MS4A4E: variants seen among roughly 807,000 people sequenced by gnomAD.
The protein encoded by MS4A4E is putative membrane-spanning 4-domains subfamily A member 4E.
A neutral mutation model predicts 13.3 loss-of-function variants in MS4A4E; 23 were observed. The ratio of observed to expected loss-of-function variants is 1.73; its 90% CI spans 1.25 to 2.45. The LOEUF (loss-of-function observed/expected upper bound fraction) is 2.45, where lower values mean the gene tolerates loss of function less well. Among genes scored for constraint, MS4A4E ranks in the 30% most tolerant of loss-of-function variants. The pLI is 0.00. For missense variants in MS4A4E, 144 were observed against 131.2 expected, an observed-to-expected ratio of 1.10 and a Z score of -0.48; for synonymous variants, 36 against 45.6, an observed-to-expected ratio of 0.79 and a Z score of 0.85.
chr11:60,214,611 G>T lies in MS4A4E; in HGVS notation c.182C>A (p.Ser61Tyr). 1.3e-6 allele frequency: 2 copies of T among 1,522,176 alleles called. No individual in the cohort carries two copies. Among genetic ancestry groups the T allele is most frequent in the South Asian group, 1.2e-5 (1 of 80,898 alleles). 94.3% of individuals were successfully genotyped at this position (1,522,176 alleles called of 1,614,324 possible). The change falls in exon 4 of 9, where the codon TCC (serine) becomes TAC (tyrosine). Residue 61 changes from serine (S) to tyrosine (Y), a missense_variant. Physicochemically the swap from Ser to Tyr is moderately radical, Grantham distance 144. Around this residue, in one of 3 missense-constraint regions of MS4A4E, gnomAD observed 119 missense variants for 88.7 expected, o/e 1.34. Transcript: ENST00000651255. ...TCTAATTCCTGCTGCAACTGATAAG[G>T]ATACTGAAATAATAAAATAAGAATG... ...CGHKFSTHSV[S>Y]LSVAAGIRTT...
intron 4 of MS4A4E, among the ~76,000 whole-genome samples, chr11:60,214,214 C>T (rs931027147): frequency 6.6e-6 from 1 of 152,058 alleles, no homozygotes; most frequent in Non-Finnish European, 1.5e-5. Context: ...CCAGAATCTA[C>T]CTTTTAATCA....
intron 3 of MS4A4E, among the ~76,000 whole-genome samples, chr11:60,220,584 G>A (rs578128673): frequency 6.6e-6 from 1 of 152,264 alleles, no homozygotes; most frequent in African/African-American, 2.4e-5. Context: ...TTATACTGAT[G>A]GGATCCAGTG....
At chr11:60,225,087 G>A (rs757811258) in intron 3 of MS4A4E, 96 of 1,545,126 alleles carry the variant, frequency 6.2e-5, no homozygotes, top group African/African-American at 1.1e-4. Flanking sequence ...ATCAGAATCC[G>A]CACAACCTAG....
intron 8 of MS4A4E, among the ~76,000 whole-genome samples, chr11:60,203,507 G>T (rs377249519): frequency 3.9e-5 from 6 of 152,282 alleles, no homozygotes; most frequent in African/African-American, 1.4e-4. Context: ...CCAGCACTTT[G>T]GGAGGCCAAA....
At position 60,214,815 on chromosome 11, in the gene MS4A4E, GGA is replaced by G. The variant is rs2084170227; in HGVS notation, c.179-203_179-202del. Among the ~76,000 whole-genome samples, 3 of 152,036 alleles carry G rather than the reference GGA, an allele frequency of 2.0e-5. No homozygotes were observed. In the South Asian group the frequency reaches 6.2e-4, roughly 32 times the overall value. Reference sequence around the variant, plus strand: ...AAAAATTCTGCCAGATGAGTCCACCGGATAATTTATCAAGCCTTTCAAATAAT... The same window carrying G: ...AAAAATTCTGCCAGATGAGTCCACCGTAATTTATCAAGCCTTTCAAATAAT... On this transcript the variant is annotated intron_variant, in intron 3 of 8. Coordinates refer to ENST00000651255, the MANE Select transcript of MS4A4E (RefSeq NM_001393391.1).
intron 5 of MS4A4E, among the ~76,000 whole-genome samples, chr11:60,210,718 G>T (rs2084109879): frequency 6.6e-6 from 1 of 151,670 alleles, no homozygotes; most frequent in Non-Finnish European, 1.5e-5. Flanking sequence ...ACCCTGTGAT[G>T]GGGCATACAC....
At chr11:60,203,774 A>G (rs998003341) in intron 8 of MS4A4E, among the ~76,000 whole-genome samples, 1 of 152,160 alleles carries the variant, frequency 6.6e-6, no homozygotes, top group Non-Finnish European at 1.5e-5. Flanking sequence ...AAATAAAAAG[A>G]ATAACTATTT....
chr11:60,200,910 G>A lies in MS4A4E; in HGVS notation c.*633C>T, dbSNP rs557290399. Among the ~76,000 whole-genome samples, 2,576 of 147,358 alleles carry A rather than the reference G, an allele frequency of 0.017. 70 individuals are homozygous for A. Among genetic ancestry groups the A allele is most frequent in the African/African-American group, 0.061 (2,433 of 39,600 alleles). Reference sequence around the variant, plus strand: ...CACCTCCCGGACGGGGCGGCTGGCCGGGCGGGGGGCTGACCCCTCCACCTC... The same window carrying A: ...CACCTCCCGGACGGGGCGGCTGGCCAGGCGGGGGGCTGACCCCTCCACCTC... On this transcript the variant is annotated 3_prime_UTR_variant, in exon 9 of 9. Transcript: ENST00000651255.
At position 60,201,028 on chromosome 11, in the gene MS4A4E, C is replaced by G. The variant is rs1384318526; in HGVS notation, c.*515G>C. Among the ~76,000 whole-genome samples, 15 of 147,506 alleles carry G rather than the reference C, an allele frequency of 1.0e-4. No individual in the cohort carries two copies. The highest frequency in any genetic ancestry group is 3.8e-4 in the African/African-American group (15 of 39,042). ...TGGCCGGGCAGAGGGCTGACCCCCCCACCTCCCTCCCAGACGTGGTGGCTG... is the reference window on the plus strand; with the variant it reads ...TGGCCGGGCAGAGGGCTGACCCCCCGACCTCCCTCCCAGACGTGGTGGCTG... On this transcript the variant is annotated 3_prime_UTR_variant, in exon 9 of 9. Coordinates refer to ENST00000651255, the MANE Select transcript of MS4A4E (RefSeq NM_001393391.1).
Position 60,200,708 on chromosome 11 carries a change from C to G in MS4A4E, c.*835G>C, listed in dbSNP as rs2134903087. Reference sequence around the variant, plus strand: ...TCTACTTCTTTCCACACAGACAAGGCAACCATCCGATTTCTCAATCTTTTC... The same window carrying G: ...TCTACTTCTTTCCACACAGACAAGGGAACCATCCGATTTCTCAATCTTTTC... On this transcript the variant is annotated 3_prime_UTR_variant, in exon 9 of 9. Coordinates refer to ENST00000651255, the MANE Select transcript of MS4A4E (RefSeq NM_001393391.1). Among the ~76,000 whole-genome samples, 1 of 152,346 alleles carries G rather than the reference C, an allele frequency of 6.6e-6. No homozygotes were observed. Among genetic ancestry groups the G allele is most frequent in the South Asian group, 2.1e-4 (1 of 4,830 alleles).
At chr11:60,226,636 G>C (rs907503083) in intron 3 of MS4A4E, among the ~76,000 whole-genome samples, 3 of 152,232 alleles carry the variant, frequency 2.0e-5, no homozygotes, top group Non-Finnish European at 4.4e-5. Context: ...AGGATAACTT[G>C]TTTAGGTTGA....
chr11:60,206,777 A>G (rs1451617905), intron 6 of MS4A4E: 2 of 232,100 alleles, frequency 8.6e-6, no homozygotes, highest in Non-Finnish European at 2.0e-5. Flanking sequence ...AGTCACCCAA[A>G]TCACCTCAGA....
intron 3 of MS4A4E, among the ~76,000 whole-genome samples, chr11:60,220,564 A>G (rs2084257582): frequency 6.6e-6 from 1 of 152,202 alleles, no homozygotes; most frequent in Non-Finnish European, 1.5e-5. Flanking sequence ...GGTCCATTAT[A>G]TTGATGCCAT....
intron 3 of MS4A4E, among the ~76,000 whole-genome samples, chr11:60,226,402 A>G (rs1337198431): frequency 7.2e-5 from 11 of 152,120 alleles, no homozygotes; most frequent in Admixed American, 7.2e-4. Flanking sequence ...ACATGTGCAA[A>G]CTAAATCTAA....
intron 6 of MS4A4E, 36 bp downstream of exon 6, chr11:60,208,557 T>C (rs1176305061): frequency 5.1e-6 from 4 of 778,644 alleles, no homozygotes; most frequent in South Asian, 1.9e-5. Context: ...AATACAAAAG[T>C]AATACAGATA....
At chr11:60,219,376 A>G (rs1342134358) in intron 3 of MS4A4E, among the ~76,000 whole-genome samples, 3 of 152,218 alleles carry the variant, frequency 2.0e-5, no homozygotes, top group Non-Finnish European at 4.4e-5. Context: ...CATAATAGAC[A>G]GAAGAGGCAA....
At chr11:60,213,230 A>C in intron 4 of MS4A4E, 98 bp from the exon 5 acceptor site, 1 of 1,465,012 alleles carries the variant, frequency 6.8e-7, no homozygotes, top group Non-Finnish European at 9.2e-7. Context: ...TCTTATTTCA[A>C]TAGTCTTCTA....
Position 60,208,582 on chromosome 11 carries a change from C to T in MS4A4E, c.483+11G>A. On this transcript the variant is annotated intron_variant, in intron 6 of 8. Transcript: ENST00000651255. ...TAATACAGATACCTTCAAATGAAGG[C>T]CAATACTGACCTCACTGGGGCTACA... The T allele has an allele frequency of 2.0e-6, 2 of 1,017,630 alleles. No individual in the cohort carries two copies. Among genetic ancestry groups the T allele is most frequent in the South Asian group, 1.5e-5 (1 of 66,806 alleles). The allele number at this position is 1,017,630 out of a possible 1,614,324, so 63.0% of individuals were successfully genotyped here.
In MS4A4E at chr11:60,237,202, G is replaced by T. The variant is rs1035997380; in HGVS notation, c.-17+5756C>A. ...TATAAGTGAGAACATGCAGTATTTG[G>T]TTTTCTGTTCCTGTGTTAGTTTACT... On this transcript the variant is annotated intron_variant, in intron 1 of 8. Coordinates refer to ENST00000651255, the MANE Select transcript of MS4A4E (RefSeq NM_001393391.1). Among the ~76,000 whole-genome samples, 3 of 152,166 alleles carry T rather than the reference G, an allele frequency of 2.0e-5. No individual in the cohort carries two copies. The South Asian group carries it at 6.2e-4, about 32-fold the overall frequency.
Sources: allele counts gnomAD v4.1 joint callset (sites outside exome capture counted in the v4.1 genomes callset), GRCh38; gene constraint gnomAD v4.1.1; regional missense constraint gnomAD v4.1.1; transcripts MANE v1.5; gene names NCBI Gene and HGNC (gene_info 2026-07-23, HGNC 2026-07-21).